The following RELN variants were observed in gnomAD, a reference collection of about 807,000 sequenced individuals.
The protein encoded by RELN is reelin.
Under a neutral mutation model 427.6 loss-of-function variants are expected in RELN, and 108 were observed. That is an observed-to-expected ratio of 0.25 (90% confidence interval 0.22 to 0.30). RELN has a LOEUF of 0.30. Ranked by LOEUF, RELN falls within the 10% of genes least tolerant of loss-of-function variation. RELN has a pLI of 1.00. For synonymous variants in RELN, 1,524 were observed against 1,513.4 expected, an observed-to-expected ratio of 1.01 and a Z score of -0.16; for missense variants, 3,715 against 4,302.8, an observed-to-expected ratio of 0.86 and a Z score of 3.82.
At chr7:103,498,021 C>G in intron 54 of RELN, 56 bp downstream of exon 54, 2 of 1,605,212 alleles carry the variant, frequency 1.2e-6, no homozygotes, top group East Asian at 2.2e-5. Context: ...GTGTTCCTTG[C>G]TTTGGGACCA....
rs777831069 is a variant in RELN at position 103,486,425 on chromosome 7, CA to C, written c.9764-10del. 1.9e-6 allele frequency: 3 copies of C among 1,606,346 alleles called. No individual in the cohort carries two copies. The Admixed American group carries it at 5.0e-5, about 27-fold the overall frequency. ...AACAGAGCAGTCATCACCTAGAGGA[CA>C]AGGAGCAGTCACAGAAATTAAGTGG... is the stretch of plus-strand genomic sequence containing the variant. On this transcript the variant is annotated splice_polypyrimidine_tract_variant and intron_variant, in intron 60 of 64. Coordinates refer to ENST00000428762, the MANE Select transcript of RELN (RefSeq NM_005045.4).
At chr7:103,713,126 C>G (rs555062374) in intron 8 of RELN, among the ~76,000 whole-genome samples, 1 of 152,122 alleles carries the variant, frequency 6.6e-6, no homozygotes, top group Non-Finnish European at 1.5e-5. Context: ...CCAGAAATCA[C>G]GCCTCTAGAT....
chr7:103,795,417 C>T (rs887796624), intron 3 of RELN, among the ~76,000 whole-genome samples: 5 of 152,050 alleles, frequency 3.3e-5, no homozygotes, highest in African/African-American at 1.2e-4. Flanking sequence ...TACAGGAGAT[C>T]CAGTGTGGAT....
chr7:103,655,829 G>GCT (rs1833012455), intron 12 of RELN, among the ~76,000 whole-genome samples: 1 of 152,088 alleles, frequency 6.6e-6, no homozygotes, highest in Non-Finnish European at 1.5e-5. Flanking sequence ...GATGCATCAG[G>GCT]CTATCATAGT....
intron 28 of RELN, among the ~76,000 whole-genome samples, chr7:103,577,315 C>A (rs975325441): frequency 1.4e-4 from 21 of 152,098 alleles, no homozygotes; most frequent in African/African-American, 4.8e-4. Flanking sequence ...TTCCCCCCTT[C>A]ATTATTTTAA....
intron 3 of RELN, among the ~76,000 whole-genome samples, chr7:103,809,326 G>A (rs1200279111): frequency 6.6e-6 from 1 of 152,136 alleles, no homozygotes; most frequent in Non-Finnish European, 1.5e-5. Flanking sequence ...AACAAAAGTG[G>A]GGGTGAGGGT....
chr7:103,920,760 G>A (rs538829445), intron 1 of RELN, among the ~76,000 whole-genome samples: 8 of 151,926 alleles, frequency 5.3e-5, no homozygotes, highest in Non-Finnish European at 8.8e-5. Context: ...TTTTAGTAGA[G>A]ACAGGGTTTC....
At chr7:103,781,105 G>T (rs910311608) in intron 3 of RELN, among the ~76,000 whole-genome samples, 1 of 152,054 alleles carries the variant, frequency 6.6e-6, no homozygotes, top group Non-Finnish European at 1.5e-5. Flanking sequence ...ATTTCTAAAG[G>T]TCTGCATATT....
intron 22 of RELN, among the ~76,000 whole-genome samples, chr7:103,609,564 A>G (rs976919431): frequency 6.6e-6 from 1 of 152,204 alleles, no homozygotes; most frequent in Admixed American, 6.5e-5. Context: ...CACAGTTGGA[A>G]ACAGAAAAAT....
intron 3 of RELN, among the ~76,000 whole-genome samples, chr7:103,823,235 T>G (rs1793053040): frequency 9.0e-6 from 1 of 111,418 alleles, no homozygotes; most frequent in East Asian, 2.6e-4. Context: ...TATGTTTAGT[T>G]TTATCTCTTA....
intron 46 of RELN, among the ~76,000 whole-genome samples, chr7:103,531,578 C>T (rs966283799): frequency 2.0e-5 from 3 of 152,130 alleles, no homozygotes; most frequent in Admixed American, 1.3e-4. Context: ...CAAGCTCCCA[C>T]GTCAATTTCA....
At chr7:103,767,803 A>T (rs1791462228) in intron 4 of RELN, among the ~76,000 whole-genome samples, 2 of 152,252 alleles carry the variant, frequency 1.3e-5, no homozygotes, top group South Asian at 4.1e-4. Flanking sequence ...TAACTCCTTT[A>T]TCCCCTTCTT....
chr7:103,855,130 C>A (rs1310736211), intron 2 of RELN, among the ~76,000 whole-genome samples: 11 of 152,160 alleles, frequency 7.2e-5, no homozygotes. Flanking sequence ...TCTATTATAG[C>A]AGCATTTGAA....
chr7:103,920,576 T>TTG (rs1033088923), intron 1 of RELN, among the ~76,000 whole-genome samples: 1 of 112,782 alleles, frequency 8.9e-6, no homozygotes, highest in African/African-American at 4.4e-5. Flanking sequence ...GGTTTTTTTT[T>TTG]TTGTTTTTTT....
intron 1 of RELN, among the ~76,000 whole-genome samples, chr7:103,936,714 A>G (rs925719758): frequency 2.9e-5 from 3 of 104,710 alleles, no homozygotes; most frequent in South Asian, 3.5e-4. Flanking sequence ...ATTCCTACGC[A>G]CACACACACA....
chr7:103,833,766 G>A (rs967383101), intron 2 of RELN, 94 bp from the exon 3 acceptor site: 4 of 1,278,150 alleles, frequency 3.1e-6, no homozygotes, highest in East Asian at 2.5e-5. Flanking sequence ...TTTCTTTCAT[G>A]TTAAGGTTCT....
intron 2 of RELN, among the ~76,000 whole-genome samples, chr7:103,896,573 C>T (rs1039550268): frequency 1.3e-5 from 2 of 151,992 alleles, no homozygotes; most frequent in Non-Finnish European, 2.9e-5. Flanking sequence ...TTGAATAAAA[C>T]AAAACAGAGA....
intron 2 of RELN, among the ~76,000 whole-genome samples, chr7:103,895,017 A>C (rs552656008): frequency 7.2e-5 from 11 of 152,226 alleles, no homozygotes; most frequent in African/African-American, 2.6e-4. Flanking sequence ...GGAGAACTTC[A>C]TCTGTAAACT....
At chr7:103,616,510 T>C (rs1832082049) in intron 20 of RELN, among the ~76,000 whole-genome samples, 1 of 152,156 alleles carries the variant, frequency 6.6e-6, no homozygotes. Context: ...ATTATAGAAA[T>C]TGTATACTTA....
Sources: allele counts gnomAD v4.1 joint callset (sites outside exome capture counted in the v4.1 genomes callset), GRCh38; gene constraint gnomAD v4.1.1; transcripts MANE v1.5; gene names NCBI Gene and HGNC (gene_info 2026-07-23, HGNC 2026-07-21).